Variants in LINGO2 observed in about 807,000 individuals in gnomAD.
LINGO2 encodes leucine-rich repeat and immunoglobulin-like domain-containing nogo receptor-interacting protein 2.
A neutral mutation model predicts 30.6 loss-of-function variants in LINGO2; 14 were observed. That is an observed-to-expected ratio of 0.46 (90% CI 0.30 to 0.72). LINGO2 has a LOEUF of 0.72. Among genes scored for constraint, LINGO2 ranks in the 30% least tolerant of loss-of-function variants. LINGO2 has a pLI of 0.07. For synonymous variants in LINGO2, 317 were observed against 288.5 expected (o/e 1.10, Z -1.00); for missense variants, 729 against 751.7 (o/e 0.97, Z 0.35).
chr9:28,842,783 A>G, the LINGO2 span, among the ~76,000 whole-genome samples: 1 of 151,848 alleles, frequency 6.6e-6, no homozygotes, highest in Non-Finnish European at 1.5e-5. Context: ...CTGAGTCTCA[A>G]TAAGCATTCT....
At chr9:29,115,413 C>T in the LINGO2 span, among the ~76,000 whole-genome samples, 1 of 151,866 alleles carries the variant, frequency 6.6e-6, no homozygotes, top group African/African-American at 2.4e-5. Context: ...TTAAATGAAA[C>T]ACCAATCTTG....
chr9:28,364,237 T>C (rs2134525213), intron 3 of LINGO2, among the ~76,000 whole-genome samples: 1 of 152,364 alleles, frequency 6.6e-6, no homozygotes, highest in East Asian at 1.9e-4. Context: ...ATGTTGCAAG[T>C]GATTGATTGA....
Position 28,477,986 on chromosome 9 carries a change from AC to A in LINGO2, c.-364-1962del, listed in dbSNP as rs1451416413. 3.3e-5 allele frequency among the ~76,000 whole-genome samples: 5 copies of A among 152,124 alleles called. No individual in the cohort carries two copies. The East Asian group carries it at 7.7e-4, about 23-fold the overall frequency. On this transcript the variant is annotated intron_variant, in intron 1 of 5. Coordinates refer to ENST00000379992, the Ensembl canonical transcript of LINGO2. Reference sequence around the variant, plus strand: ...CAGCAACTAAGGACTTTGGGAATCAACCCTGGAAGGCTCTGAGACTGGATAC... The same window carrying A: ...CAGCAACTAAGGACTTTGGGAATCAACCTGGAAGGCTCTGAGACTGGATAC...
chr9:28,790,110 G>A, the LINGO2 span, among the ~76,000 whole-genome samples: 1 of 152,050 alleles, frequency 6.6e-6, no homozygotes, highest in African/African-American at 2.4e-5. Flanking sequence ...GTTCTAAGTA[G>A]CATAATGAAA....
intron 2 of LINGO2, among the ~76,000 whole-genome samples, chr9:28,380,303 T>G: frequency 6.6e-6 from 1 of 151,564 alleles, no homozygotes; most frequent in South Asian, 2.1e-4. Flanking sequence ...CCCACCAATT[T>G]CCATAAGGCC....
chr9:29,145,834 C>T, the LINGO2 span, among the ~76,000 whole-genome samples: 1 of 152,074 alleles, frequency 6.6e-6, no homozygotes, highest in East Asian at 1.9e-4. Flanking sequence ...ATGAAGAATA[C>T]ATTTTAAATA....
chr9:28,109,218 A>G (rs906453504), intron 4 of LINGO2, among the ~76,000 whole-genome samples: 2 of 152,214 alleles, frequency 1.3e-5, no homozygotes, highest in East Asian at 1.9e-4. Flanking sequence ...AAAACACTCA[A>G]TAAATTAGGC....
the LINGO2 span, among the ~76,000 whole-genome samples, chr9:28,856,523 G>T: frequency 1.4e-4 from 22 of 151,994 alleles, no homozygotes; most frequent in African/African-American, 4.8e-4. Context: ...CTGAAGAATG[G>T]GTAAAATTTA....
chr9:28,021,099 T>C (rs1454588544), intron 4 of LINGO2, among the ~76,000 whole-genome samples: 1 of 152,144 alleles, frequency 6.6e-6, no homozygotes, highest in African/African-American at 2.4e-5. Flanking sequence ...ACTTGCTCTT[T>C]TTTAATTTCC....
chr9:28,716,117 C>T, the LINGO2 span, among the ~76,000 whole-genome samples: 1 of 151,652 alleles, frequency 6.6e-6, no homozygotes, highest in Non-Finnish European at 1.5e-5. Flanking sequence ...ATACCATTCT[C>T]CTGTTTCTGT....
intron 4 of LINGO2, among the ~76,000 whole-genome samples, chr9:28,194,163 C>T (rs771061577): frequency 8.6e-5 from 13 of 152,030 alleles, no homozygotes; most frequent in Non-Finnish European, 1.3e-4. Context: ...GAGATACTGT[C>T]GTGGCCATCT....
At chr9:29,121,664 A>G in the LINGO2 span, among the ~76,000 whole-genome samples, 1 of 152,110 alleles carries the variant, frequency 6.6e-6, no homozygotes. Context: ...GACTCTCCAG[A>G]CAGAAGGAGT....
chr9:28,191,797 T>A (rs1251667038), intron 4 of LINGO2, among the ~76,000 whole-genome samples: 1 of 152,146 alleles, frequency 6.6e-6, no homozygotes, highest in Non-Finnish European at 1.5e-5. Flanking sequence ...TCTTTTCCCA[T>A]ATTCAGTAAA....
intron 4 of LINGO2, among the ~76,000 whole-genome samples, chr9:28,056,638 G>T (rs1824950734): frequency 6.6e-6 from 1 of 152,146 alleles, no homozygotes; most frequent in South Asian, 2.1e-4. Flanking sequence ...CCATAATTTA[G>T]GATCTGCAGC....
At chr9:28,119,243 G>A (rs1348039543) in intron 4 of LINGO2, among the ~76,000 whole-genome samples, 1 of 152,100 alleles carries the variant, frequency 6.6e-6, no homozygotes, top group African/African-American at 2.4e-5. Context: ...TCCCAACCTA[G>A]AAACCTCAGC....
At chr9:28,553,415 G>C (rs1187810079) in intron 1 of LINGO2, among the ~76,000 whole-genome samples, 1 of 151,994 alleles carries the variant, frequency 6.6e-6, no homozygotes, top group African/African-American at 2.4e-5. Flanking sequence ...AAGATGAAAT[G>C]AATGAAATGA....
chr9:28,681,285 G>C, the LINGO2 span, among the ~76,000 whole-genome samples: 1 of 152,016 alleles, frequency 6.6e-6, no homozygotes, highest in South Asian at 2.1e-4. Context: ...GCACTAGAAA[G>C]TCTTTTCCTG....
intron 1 of LINGO2, among the ~76,000 whole-genome samples, chr9:28,551,893 T>C (rs1822304219): frequency 6.6e-6 from 1 of 152,078 alleles, no homozygotes; most frequent in African/African-American, 2.4e-5. Context: ...AATTTTTACA[T>C]TGCCATATTG....
chr9:28,518,927 G>A (rs1820728643), intron 1 of LINGO2, among the ~76,000 whole-genome samples: 1 of 152,136 alleles, frequency 6.6e-6, no homozygotes, highest in African/African-American at 2.4e-5. Flanking sequence ...TATCTAACTT[G>A]TGTTGTACTT....
Sources: allele counts gnomAD v4.1 joint callset (sites outside exome capture counted in the v4.1 genomes callset), GRCh38; gene constraint gnomAD v4.1.1; transcripts MANE v1.5; gene names NCBI Gene and HGNC (gene_info 2026-07-23, HGNC 2026-07-21).